DNAJB6: variants seen among roughly 807,000 people sequenced by gnomAD.
The protein encoded by DNAJB6 is dnaJ homolog subfamily B member 6.
In DNAJB6, 16 loss-of-function variants were observed where a neutral mutation model predicts 42.7. The ratio of observed to expected loss-of-function variants is 0.37; its 90% confidence interval spans 0.25 to 0.57. DNAJB6 has a LOEUF of 0.57. Ranked by LOEUF, DNAJB6 falls within the 20% of genes least tolerant of loss-of-function variation. The pLI, the probability that DNAJB6 is intolerant of heterozygous loss-of-function variation, is 0.74. For missense variants in DNAJB6, 347 were observed against 416.8 expected (o/e 0.83, Z 1.46); for synonymous variants, 170 against 163.5 (o/e 1.04, Z -0.30).
At position 157,416,310 on chromosome 7, in the gene DNAJB6, C is replaced by T; in HGVS notation, c.*212C>T. 1 of 622,072 alleles carries T rather than the reference C, an allele frequency of 1.6e-6. No homozygotes were observed. The highest frequency in any genetic ancestry group is 3.1e-5 in the Admixed American group (1 of 32,460). 38.5% of individuals were successfully genotyped at this position (622,072 alleles called of 1,614,324 possible). On this transcript the variant is annotated 3_prime_UTR_variant, in exon 10 of 10. Coordinates refer to ENST00000262177, the MANE Select transcript of DNAJB6 (RefSeq NM_058246.4). ...GCGGGGACAGACGTTTGGGACTTGGCCGCGACTCTCTGCTTCTCTCCAGCT... is the reference window on the plus strand; with the variant it reads ...GCGGGGACAGACGTTTGGGACTTGGTCGCGACTCTCTGCTTCTCTCCAGCT...
chr7:157,394,686 T>C (rs571332010), intron 8 of DNAJB6, among the ~76,000 whole-genome samples: 4 of 152,348 alleles, frequency 2.6e-5, no homozygotes, highest in Non-Finnish European at 2.9e-5. Flanking sequence ...AGGAACTTTA[T>C]TGGGATTTGC....
intron 2 of DNAJB6, among the ~76,000 whole-genome samples, chr7:157,362,521 A>G (rs1023832388): frequency 1.3e-5 from 2 of 152,020 alleles, no homozygotes; most frequent in African/African-American, 4.8e-5. Context: ...ATTACAGTCA[A>G]GTACCACAAT....
chr7:157,382,037 T>C, intron 5 of DNAJB6: 1 of 465,152 alleles, frequency 2.1e-6, no homozygotes, highest in Non-Finnish European at 3.8e-6. Flanking sequence ...ATACAATGTA[T>C]TGTAGTTTTA....
intron 5 of DNAJB6, chr7:157,368,933 C>G (rs1040906178): frequency 2.1e-5 from 5 of 238,344 alleles, no homozygotes; most frequent in African/African-American, 9.4e-5. Flanking sequence ...CATAATCACT[C>G]TCATATCTGG....
chr7:157,356,849 G>C (rs118088058), intron 1 of DNAJB6, among the ~76,000 whole-genome samples: 3,239 of 152,252 alleles, frequency 0.021, 44 homozygotes, highest in East Asian at 0.055. Context: ...TTAACACCTA[G>C]AATCTTTGCT....
intron 9 of DNAJB6, chr7:157,413,933 G>A (rs894372945): frequency 6.6e-6 from 1 of 152,116 alleles, no homozygotes; most frequent in African/African-American, 2.4e-5. Flanking sequence ...TGTTGGACTG[G>A]CTGCTCTCGA....
intron 3 of DNAJB6, among the ~76,000 whole-genome samples, chr7:157,364,162 G>A (rs1799738102): frequency 6.6e-6 from 1 of 151,386 alleles, no homozygotes; most frequent in South Asian, 2.1e-4. Context: ...CCGAGATTGC[G>A]CCACTGCACT....
rs1434034097 is a variant in DNAJB6 at position 157,367,386 on chromosome 7, T to G, written c.249T>G (p.Phe83Leu). The G allele has an allele frequency of 6.2e-7, 1 of 1,611,084 alleles. No individual in the cohort carries two copies. The highest frequency in any genetic ancestry group is 8.5e-7 in the Non-Finnish European group (1 of 1,177,192). Residue 83 changes from phenylalanine (F) to leucine (L), a missense_variant, in exon 5 of 10, where the codon TTT becomes TTG. By Grantham distance (22) the Phe-to-Leu change is conservative (BLOSUM62 0). Coordinates refer to ENST00000262177, the MANE Select transcript of DNAJB6 (RefSeq NM_058246.4). ...LNGGGGGGSH[F>L]DSPFEFGFTF... Reference sequence around the variant, plus strand: ...GTATTTGTGCAGGTGGAAGTCATTTTGACAGTCCATTTGAATTTGGCTTCA... The same window carrying G: ...GTATTTGTGCAGGTGGAAGTCATTTGGACAGTCCATTTGAATTTGGCTTCA...
At chr7:157,394,203 C>T (rs1801479812) in intron 8 of DNAJB6, among the ~76,000 whole-genome samples, 2 of 152,106 alleles carry the variant, frequency 1.3e-5, no homozygotes, top group South Asian at 2.1e-4. Context: ...ACTTCTAAGT[C>T]GTTCTTTTAA....
At chr7:157,396,524 C>G (rs775509460) in intron 8 of DNAJB6, among the ~76,000 whole-genome samples, 5 of 152,218 alleles carry the variant, frequency 3.3e-5, no homozygotes, top group Admixed American at 2.0e-4. Flanking sequence ...GCCGTGGGGA[C>G]AGGCAGCCCA....
At chr7:157,352,789 A>G (rs1255137926) in intron 1 of DNAJB6, among the ~76,000 whole-genome samples, 4 of 152,140 alleles carry the variant, frequency 2.6e-5, no homozygotes, top group Non-Finnish European at 4.4e-5. Flanking sequence ...ATGGAAGTGG[A>G]TGTCACCCAC....
chr7:157,350,109 G>A (rs761157050), intron 1 of DNAJB6, among the ~76,000 whole-genome samples: 4 of 152,118 alleles, frequency 2.6e-5, no homozygotes, highest in Non-Finnish European at 5.9e-5. Flanking sequence ...GTTAATTGTA[G>A]CATCCTGGTC....
chr7:157,393,448 G>T (rs1801443176), intron 8 of DNAJB6, among the ~76,000 whole-genome samples: 1 of 152,148 alleles, frequency 6.6e-6, no homozygotes, highest in Admixed American at 6.6e-5. Context: ...AGAAAGATTA[G>T]TTACTGTGTT....
chr7:157,400,391 T>C (rs2117166897), intron 8 of DNAJB6, among the ~76,000 whole-genome samples: 1 of 89,328 alleles, frequency 1.1e-5, no homozygotes. Context: ...GCCGTGATGC[T>C]TGCTGTGCAG....
chr7:157,398,457 G>A (rs1015073127), intron 8 of DNAJB6, among the ~76,000 whole-genome samples: 9 of 152,224 alleles, frequency 5.9e-5, no homozygotes, highest in African/African-American at 2.2e-4. Flanking sequence ...TTTATCTGCA[G>A]GAGTTTGTTT....
chr7:157,365,546 T>C (rs1426858476), intron 3 of DNAJB6, among the ~76,000 whole-genome samples: 2 of 152,230 alleles, frequency 1.3e-5, no homozygotes, highest in Non-Finnish European at 2.9e-5. Context: ...TGGGTTTTTG[T>C]AGTAAGATGG....
At chr7:157,360,242 A>C (rs1275750645) in intron 2 of DNAJB6, among the ~76,000 whole-genome samples, 3 of 152,140 alleles carry the variant, frequency 2.0e-5, no homozygotes, top group African/African-American at 7.2e-5. Flanking sequence ...ACAGCAAGAG[A>C]ATGAGGAAGA....
intron 1 of DNAJB6, among the ~76,000 whole-genome samples, chr7:157,355,840 G>A (rs1192141667): frequency 1.3e-5 from 2 of 152,220 alleles, no homozygotes; most frequent in South Asian, 2.1e-4. Context: ...GATGCTGCAC[G>A]TACATGACAG....
chr7:157,392,152 C>T (rs972653988), intron 8 of DNAJB6, among the ~76,000 whole-genome samples: 1 of 150,260 alleles, frequency 6.7e-6, no homozygotes, highest in African/African-American at 2.4e-5. Flanking sequence ...AAGGAGTCTT[C>T]TCCTATCAAC....
Sources: gnomAD v4.1 joint callset for allele counts (sites outside exome capture counted in the v4.1 genomes callset) on GRCh38, gnomAD v4.1.1 for gene constraint, MANE v1.5 for transcripts, NCBI Gene and HGNC (gene_info 2026-07-23, HGNC 2026-07-21) for gene names.